Variants in AXIN1 observed in about 807,000 individuals in gnomAD.
AXIN1 encodes axin-1.
Under a neutral mutation model 76.4 loss-of-function variants are expected in AXIN1, and 30 were observed. The observed-to-expected ratio is 0.39, with a 90% CI of 0.29 to 0.53. AXIN1 has a LOEUF of 0.53. Among genes scored for constraint, AXIN1 ranks in the 20% least tolerant of loss-of-function variants. AXIN1 has a pLI of 0.66. For missense variants in AXIN1, 1,140 were observed against 1,198.8 expected, an observed-to-expected ratio of 0.95 and a Z score of 0.72; for synonymous variants, 545 against 501.4, an observed-to-expected ratio of 1.09 and a Z score of -1.16.
rs995462026 is a variant in AXIN1 at position 287,888 on chromosome 16, TC to T, written c.*233del. 1.1e-5 allele frequency: 7 copies of T among 642,744 alleles called. No homozygotes were observed. Among genetic ancestry groups the T allele is most frequent in the Non-Finnish European group, 1.9e-5 (7 of 373,518 alleles). 39.8% of individuals were successfully genotyped at this position (642,744 alleles called of 1,614,324 possible). A position where few individuals can be genotyped will look rare whatever the true frequency, so the allele number is the denominator to read the frequency against. On this transcript the variant is annotated 3_prime_UTR_variant, in exon 11 of 11. Coordinates refer to ENST00000262320, the MANE Select transcript of AXIN1 (RefSeq NM_003502.4). ...CGGCTGCCTCACTTGGGCTGGGCCCTCCAAGTATTGCTATGAGGAGTGGTCC... is the reference window on the plus strand; with the variant it reads ...CGGCTGCCTCACTTGGGCTGGGCCCTCAAGTATTGCTATGAGGAGTGGTCC...
chr16:323,509 C>T (rs1022467737), intron 2 of AXIN1, among the ~76,000 whole-genome samples: 3 of 150,720 alleles, frequency 2.0e-5, no homozygotes, highest in African/African-American at 4.9e-5. Context: ...AGGCGGGGCA[C>T]GGTGGCTCAA....
At chr16:329,625 T>G (rs2141652040) in intron 2 of AXIN1, among the ~76,000 whole-genome samples, 1 of 151,932 alleles carries the variant, frequency 6.6e-6, no homozygotes, top group South Asian at 2.1e-4. Flanking sequence ...TTTGTTTTTT[T>G]TTGTTTTTGA....
intron 6 of AXIN1, 40 bp from the exon 7 acceptor site, chr16:297,266 G>T (rs2052737274): frequency 1.3e-6 from 2 of 1,599,850 alleles, no homozygotes; most frequent in African/African-American, 2.7e-5. Context: ...GGCCTCCGGT[G>T]GCCGAGGCTG....
chr16:329,894 G>T (rs1385449039), intron 2 of AXIN1, among the ~76,000 whole-genome samples: 1 of 150,784 alleles, frequency 6.6e-6, no homozygotes, highest in Non-Finnish European at 1.5e-5. Flanking sequence ...CAGCCTCCCA[G>T]AGTGCTGGGA....
chr16:314,354 G>C (rs2053250419), intron 3 of AXIN1, among the ~76,000 whole-genome samples, 189 bp downstream of exon 3: 1 of 152,202 alleles, frequency 6.6e-6, no homozygotes, highest in Admixed American at 6.5e-5. Flanking sequence ...AGGCATCTCT[G>C]GGTCAGCACG....
intron 2 of AXIN1, among the ~76,000 whole-genome samples, chr16:324,096 A>T (rs2053525711): frequency 6.6e-6 from 1 of 150,790 alleles, no homozygotes; most frequent in South Asian, 2.1e-4. Flanking sequence ...CCTGCAGCCC[A>T]CAAGAGTCAC....
At chr16:301,773 G>A (rs1330342830) in intron 5 of AXIN1, among the ~76,000 whole-genome samples, 1 of 152,164 alleles carries the variant, frequency 6.6e-6, no homozygotes, top group Non-Finnish European at 1.5e-5. Flanking sequence ...AATTACAGCG[G>A]CCGGCGACCG....
In AXIN1 at chr16:293,728, CAA is replaced by C. The variant is rs2052632927; in HGVS notation, c.1956-12_1956-11del. On this transcript the variant is annotated splice_polypyrimidine_tract_variant and intron_variant, in intron 7 of 10. Coordinates refer to ENST00000262320, the MANE Select transcript of AXIN1 (RefSeq NM_003502.4). The surrounding 1 kb of genome is among the most constrained non-coding windows in gnomAD (Gnocchi z 4.6). The stretch of plus-strand genomic sequence containing the variant: ...CCTCGTCCCCGAAGACCTTGGGGAA[CAA>C]GAGAACAAGTTGTGACTGTGGCCGA... 1 of 1,611,942 alleles carries C rather than the reference CAA, an allele frequency of 6.2e-7. No individual in the cohort carries two copies. The highest frequency in any genetic ancestry group is 1.3e-5 in the African/African-American group (1 of 74,856).
intron 2 of AXIN1, among the ~76,000 whole-genome samples, chr16:340,891 G>A (rs2053903071): frequency 6.6e-6 from 1 of 152,238 alleles, no homozygotes; most frequent in Non-Finnish European, 1.5e-5. Flanking sequence ...CTCACACACG[G>A]ACCAACAAGG....
Position 352,396 on chromosome 16 carries a change from G to T in AXIN1, c.-109C>A, listed in dbSNP as rs2054165099. ...GCGCGCGGTGGTGGCGGGACCCCGG[G>T]CCCGGCTCCCGGAGCGGCGCGGCGC... On this transcript the variant is annotated 5_prime_UTR_variant, in exon 1 of 11. Transcript: ENST00000262320. The T allele has an allele frequency of 1.0e-6, 1 of 961,604 alleles. No homozygotes were observed. The highest frequency in any genetic ancestry group is 1.2e-6 in the Non-Finnish European group (1 of 820,808). 59.6% of individuals were successfully genotyped at this position (961,604 alleles called of 1,614,324 possible).
rs994024144 is a variant in AXIN1 at position 332,512 on chromosome 16, G to A, written c.878+13636C>T. Among the ~76,000 whole-genome samples the A allele has an allele frequency of 3.3e-5, 5 of 150,838 alleles. 1 individual carries two copies. The highest frequency in any genetic ancestry group is 1.2e-4 in the African/African-American group (5 of 40,910). ...AATGGCGTGAACCCGGGAGGTGGAG[G>A]TTGCAGTGAGCTGAGACCGTGCCAC... On this transcript the variant is annotated intron_variant, in intron 2 of 10. Coordinates refer to ENST00000262320, the MANE Select transcript of AXIN1 (RefSeq NM_003502.4).
At position 347,053 on chromosome 16, in the gene AXIN1, A is replaced by G. The variant is rs2141710965; in HGVS notation, c.-28T>C. ...TGGGACTCTGCGTCAAGGAACAATGAGCGCTGCACCCTAATACATCAGTAC... is the reference window on the plus strand; with the variant it reads ...TGGGACTCTGCGTCAAGGAACAATGGGCGCTGCACCCTAATACATCAGTAC... On this transcript the variant is annotated 5_prime_UTR_variant, in exon 2 of 11. Transcript: ENST00000262320. 12 of 1,613,864 alleles carry G rather than the reference A, an allele frequency of 7.4e-6. No individual in the cohort carries two copies. Among genetic ancestry groups the G allele is most frequent in the Non-Finnish European group, 9.3e-6 (11 of 1,180,048 alleles).
chr16:315,423 CT>C (rs2053277008), intron 2 of AXIN1, among the ~76,000 whole-genome samples: 1 of 152,314 alleles, frequency 6.6e-6, no homozygotes, highest in African/African-American at 2.4e-5. Flanking sequence ...TTCAAATAGA[CT>C]TGTTATTAAT....
Position 332,380 on chromosome 16 carries a change from A to G in AXIN1, c.878+13768T>C, listed in dbSNP as rs535602017. Among the ~76,000 whole-genome samples, 4 of 152,176 alleles carry G rather than the reference A, an allele frequency of 2.6e-5. No homozygotes were observed. In the East Asian group the frequency reaches 5.8e-4, roughly 22 times the overall value. On this transcript the variant is annotated intron_variant, in intron 2 of 10. Transcript: ENST00000262320. ...ATCACGAGATCAGGAGATGGAGACCATCCTGGCTAACACAGTGAAACCCCA... is the reference window on the plus strand; with the variant it reads ...ATCACGAGATCAGGAGATGGAGACCGTCCTGGCTAACACAGTGAAACCCCA...
At chr16:352,235 C>G in intron 1 of AXIN1, 134 bp downstream of exon 1, 1 of 491,192 alleles carries the variant, frequency 2.0e-6, no homozygotes, top group South Asian at 8.4e-5. Context: ...CCCAGGGACA[C>G]CCCGGCCCCA....
intron 2 of AXIN1, among the ~76,000 whole-genome samples, chr16:343,091 G>GAT (rs538560687): frequency 3.0e-4 from 45 of 152,158 alleles, no homozygotes; most frequent in Non-Finnish European, 6.3e-4. Flanking sequence ...CCACAGAGAG[G>GAT]ATTCAACCGC....
chr16:298,183 G>A lies in AXIN1; in HGVS notation c.1323C>T (p.Ala441=), dbSNP rs1265990012. 1.3e-6 allele frequency: 2 copies of A among 1,542,346 alleles called. No individual in the cohort carries two copies. Among genetic ancestry groups the A allele is most frequent in the Non-Finnish European group, 1.7e-6 (2 of 1,147,372 alleles). The change falls in exon 6 of 11, where the codon GCC becomes GCT. Residue 441 remains alanine, a synonymous_variant. Transcript: ENST00000262320. ...GGGGCGGGAAGTGGTGCCAAGCGGG[G>A]GCGGGAGGCAGCTTGTGACACGGCC... is the stretch of plus-strand genomic sequence containing the variant. ...PPGPCHKLPP[A]PAWHHFPPRC...
intron 2 of AXIN1, among the ~76,000 whole-genome samples, chr16:345,891 G>T (rs1289368900): frequency 2.0e-5 from 3 of 152,312 alleles, no homozygotes; most frequent in African/African-American, 7.2e-5. Flanking sequence ...TGACTTCTAA[G>T]AATTCCGATG....
chr16:297,696 C>T, intron 6 of AXIN1, 26 bp downstream of exon 6: 7 of 1,581,644 alleles, frequency 4.4e-6, no homozygotes, highest in Non-Finnish European at 6.0e-6. Flanking sequence ...CCCAAGCCCC[C>T]TCCTCACTGA....
Sources: gnomAD v4.1 joint callset for allele counts (sites outside exome capture counted in the v4.1 genomes callset) on GRCh38, gnomAD v4.1.1 for gene constraint, Gnocchi (gnomAD v3.1) non-coding constraint, MANE v1.5 for transcripts, NCBI Gene and HGNC (gene_info 2026-07-23, HGNC 2026-07-21) for gene names.